The following DNAH6 variants were observed in gnomAD, a reference collection of about 807,000 sequenced individuals.
The protein encoded by DNAH6 is axonemal beta dynein heavy chain 6.
In DNAH6, 340 loss-of-function variants were observed where a neutral mutation model predicts 491.4. The observed-to-expected ratio is 0.69, with a 90% CI of 0.63 to 0.76. DNAH6 has a LOEUF of 0.76. DNAH6 is among the 30% of genes least tolerant of loss of function. The pLI is 0.00. For synonymous variants in DNAH6, 1,603 were observed against 1,686.1 expected, an observed-to-expected ratio of 0.95 and a Z score of 1.21; for missense variants, 4,443 against 4,972.2, an observed-to-expected ratio of 0.89 and a Z score of 3.20.
At chr2:84,622,767 G>T (rs1194450839) in intron 26 of DNAH6, among the ~76,000 whole-genome samples, 1 of 152,046 alleles carries the variant, frequency 6.6e-6, no homozygotes, top group Non-Finnish European at 1.5e-5. Flanking sequence ...TTTCCATAAT[G>T]CCTGTACCAT....
intron 72 of DNAH6, among the ~76,000 whole-genome samples, chr2:84,809,567 T>G (rs1320845842): frequency 6.6e-6 from 1 of 152,132 alleles, no homozygotes; most frequent in Non-Finnish European, 1.5e-5. Context: ...CCTTCTATAT[T>G]GAATGAATTG....
At chr2:84,485,801 C>T in the DNAH6 span, among the ~76,000 whole-genome samples, 3 of 151,796 alleles carry the variant, frequency 2.0e-5, no homozygotes, top group Non-Finnish European at 4.4e-5. Context: ...TCTTTGGGAT[C>T]TTCCACCCTC....
chr2:84,669,208 T>C, intron 37 of DNAH6, 81 bp from the exon 38 acceptor site: 4 of 1,133,244 alleles, frequency 3.5e-6, no homozygotes, highest in Non-Finnish European at 2.6e-6. Context: ...GACTGCCTTT[T>C]TTTCTATGTG....
In DNAH6 at chr2:84,653,302, T is replaced by A; in HGVS notation, c.5079-17T>A. On this transcript the variant is annotated splice_polypyrimidine_tract_variant and intron_variant, in intron 33 of 76. Coordinates refer to ENST00000389394, the MANE Select transcript of DNAH6 (RefSeq NM_001370.2). ...ATGACCAGTTGTTCCTAATTGATTT[T>A]ATTTTTGTTTTGACAGTGGAATCAT... The A allele has an allele frequency of 6.8e-7, 1 of 1,480,508 alleles. No individual in the cohort carries two copies. The highest frequency in any genetic ancestry group is 9.0e-7 in the Non-Finnish European group (1 of 1,113,322). 91.7% of individuals were successfully genotyped at this position (1,480,508 alleles called of 1,614,324 possible).
Position 84,819,377 on chromosome 2 carries a change from G to A in DNAH6, c.12446G>A (p.Gly4149Glu), listed in dbSNP as rs1197489418. ...TCCAAAGACTACTGGATTGCCAAGG[G>A]ATCAGCTTTGCTCTGCCAGCTGAGC... Reference protein sequence around the residue: ...KRSKDYWIAKGSALLCQLSE With the variant: ...KRSKDYWIAKESALLCQLSE Residue 4149 changes from glycine to glutamate, a missense_variant, in exon 77 of 77, where the codon GGA (glycine) becomes GAA (glutamate). Around this residue, in one of 3 missense-constraint regions of DNAH6, gnomAD observed 1,463 missense variants for 1,656.6 expected, o/e 0.88. Transcript: ENST00000389394. 1 of 1,551,334 alleles carries A rather than the reference G, an allele frequency of 6.4e-7. No homozygotes were observed. The highest frequency in any genetic ancestry group is 1.2e-5 in the South Asian group (1 of 83,980).
In DNAH6 at chr2:84,584,137, A is replaced by G. The variant is rs767810029; in HGVS notation, c.2368A>G (p.Ile790Val). ...KPSIVAVRNA[I>V]DKSVGDRESS... ...ATCCATTGTTGCTGTTCGGAATGCC[A>G]TTGATAAATCAGTGGGTGATAGAGA... The change falls in exon 15 of 77, where the codon ATT becomes GTT. Residue 790 changes from isoleucine (I) to valine (V), a missense_variant. Physicochemically the swap from Ile to Val is conservative, Grantham distance 29. Around this residue, in one of 3 missense-constraint regions of DNAH6, gnomAD observed 2,977 missense variants for 3,296.6 expected, o/e 0.90. Coordinates refer to ENST00000389394, the MANE Select transcript of DNAH6 (RefSeq NM_001370.2). 6 of 1,614,190 alleles carry G rather than the reference A, an allele frequency of 3.7e-6. No homozygotes were observed. In the South Asian group the frequency reaches 6.6e-5, roughly 18 times the overall value.
chr2:84,541,382 G>A (rs1174169755), intron 4 of DNAH6, among the ~76,000 whole-genome samples: 1 of 152,206 alleles, frequency 6.6e-6, no homozygotes, highest in Non-Finnish European at 1.5e-5. Flanking sequence ...GATTGGGCTT[G>A]AGGGAAGTCC....
intron 71 of DNAH6, among the ~76,000 whole-genome samples, chr2:84,806,814 A>T (rs1002518543): frequency 6.6e-6 from 1 of 152,204 alleles, no homozygotes; most frequent in Non-Finnish European, 1.5e-5. Flanking sequence ...CCCCTGGAAG[A>T]AAAGGAGCCT....
At chr2:84,570,506 G>A (rs866979499) in intron 11 of DNAH6, among the ~76,000 whole-genome samples, 7 of 152,004 alleles carry the variant, frequency 4.6e-5, no homozygotes, top group Non-Finnish European at 8.8e-5. Context: ...TCTAGCTAAC[G>A]GATTATAAAG....
intron 12 of DNAH6, among the ~76,000 whole-genome samples, chr2:84,575,102 T>A (rs1418165965): frequency 2.0e-5 from 3 of 152,180 alleles, no homozygotes; most frequent in Non-Finnish European, 4.4e-5. Flanking sequence ...GAACCCCCAG[T>A]ACGTCCTAAA....
At chr2:84,560,616 C>G (rs1357334780) in intron 11 of DNAH6, among the ~76,000 whole-genome samples, 1 of 151,402 alleles carries the variant, frequency 6.6e-6, no homozygotes, top group Non-Finnish European at 1.5e-5. Flanking sequence ...CCGCTTCCCC[C>G]ACCCCACAAC....
chr2:84,703,682 T>C (rs1696153258), intron 50 of DNAH6, 120 bp downstream of exon 50: 2 of 976,648 alleles, frequency 2.0e-6, no homozygotes, highest in Admixed American at 7.1e-5. Flanking sequence ...AAGTGATAGA[T>C]TTAGCAAAGT....
chr2:84,599,430 A>G (rs1262023058), intron 18 of DNAH6, among the ~76,000 whole-genome samples: 2 of 151,668 alleles, frequency 1.3e-5, no homozygotes, highest in Non-Finnish European at 2.9e-5. Context: ...TATTTTCTCT[A>G]TGTTTCTTCT....
rs267599482 is a variant in DNAH6 at position 84,705,741 on chromosome 2, C to T, written c.8721C>T (p.Ala2907=). 34 of 1,543,222 alleles carry T rather than the reference C, an allele frequency of 2.2e-5. No homozygotes were observed. Among genetic ancestry groups the T allele is most frequent in the African/African-American group, 6.9e-5 (5 of 72,210 alleles). ...VVEPKRQKLR[A]AQAELDITMA... ...AACCAAAAAGACAAAAGCTCCGCGCCGCACAGGTACATTTTCTGTATTGTG... is the reference window on the plus strand; with the variant it reads ...AACCAAAAAGACAAAAGCTCCGCGCTGCACAGGTACATTTTCTGTATTGTG... Residue 2907 remains alanine, a synonymous_variant, in exon 52 of 77, where the codon GCC becomes GCT. Coordinates refer to ENST00000389394, the MANE Select transcript of DNAH6 (RefSeq NM_001370.2).
chr2:84,696,652 A>C (rs1335257283), intron 46 of DNAH6, among the ~76,000 whole-genome samples: 2 of 152,094 alleles, frequency 1.3e-5, no homozygotes, highest in African/African-American at 4.8e-5. Context: ...ATTAAGAAAA[A>C]CAAAAAGTTT....
chr2:84,713,274 T>C lies in DNAH6; in HGVS notation c.9543+15T>C, dbSNP rs1728057. The C allele has an allele frequency of 0.049, 75,117 of 1,546,866 alleles. 2,139 individuals are homozygous for C. The highest frequency in any genetic ancestry group is 0.063 in the South Asian group (5,303 of 83,616). On this transcript the variant is annotated intron_variant, in intron 57 of 76. Coordinates refer to ENST00000389394, the MANE Select transcript of DNAH6 (RefSeq NM_001370.2). ...ATCTGCCTGAGGTATGAACTACTGG[T>C]CTGGAATTCTCAACTTAACTGGATT... is the stretch of plus-strand genomic sequence containing the variant.
Position 84,573,456 on chromosome 2 carries a change from A to T in DNAH6, c.1804-11A>T. On this transcript the variant is annotated splice_polypyrimidine_tract_variant and intron_variant, in intron 11 of 76. Transcript: ENST00000389394. Reference sequence around the variant, plus strand: ...TATGGTCATATTTGTCTGCTTATTTATAACATTTAGGAAACCATTCAGGCC... The same window carrying T: ...TATGGTCATATTTGTCTGCTTATTTTTAACATTTAGGAAACCATTCAGGCC... 1 of 1,569,886 alleles carries T rather than the reference A, an allele frequency of 6.4e-7. No individual in the cohort carries two copies. The highest frequency in any genetic ancestry group is 2.3e-5 in the East Asian group (1 of 42,896).
intron 70 of DNAH6, among the ~76,000 whole-genome samples, chr2:84,798,646 G>A (rs543723487): frequency 1.3e-5 from 2 of 152,278 alleles, no homozygotes; most frequent in East Asian, 3.9e-4. Flanking sequence ...GGCCCAAAGT[G>A]CATCTATTCC....
the DNAH6 span, among the ~76,000 whole-genome samples, chr2:84,509,273 G>A: frequency 6.6e-6 from 1 of 151,694 alleles, no homozygotes; most frequent in Admixed American, 6.6e-5. Context: ...GCATATACAG[G>A]ATATGCACTT....
Sources: allele counts gnomAD v4.1 joint callset (sites outside exome capture counted in the v4.1 genomes callset), GRCh38; gene constraint gnomAD v4.1.1; regional missense constraint gnomAD v4.1.1; transcripts MANE v1.5; gene names NCBI Gene and HGNC (gene_info 2026-07-23, HGNC 2026-07-21).